The following RAF1 variants were observed in gnomAD, a reference collection of about 807,000 sequenced individuals.
RAF1 encodes RAF proto-oncogene serine/threonine-protein kinase.
Under a neutral mutation model 81.1 loss-of-function variants are expected in RAF1, and 27 were observed. That is an observed-to-expected ratio of 0.33 (90% CI 0.25 to 0.46). The LOEUF is 0.46. RAF1 is among the 20% of genes least tolerant of loss of function. RAF1 has a pLI of 1.00. For synonymous variants in RAF1, 298 were observed against 294.0 expected (o/e 1.01, Z -0.14); for missense variants, 598 against 826.0 (o/e 0.72, Z 3.38).
rs2058246746 is a variant in RAF1 at position 12,584,369 on chromosome 3, T to C, written c.*145A>G. The C allele has an allele frequency of 9.9e-7, 1 of 1,012,416 alleles. No homozygotes were observed. Among genetic ancestry groups the C allele is most frequent in the African/African-American group, 1.6e-5 (1 of 62,738 alleles). The allele number at this position is 1,012,416 out of a possible 1,614,324, so 62.7% of individuals were successfully genotyped here. A position where few individuals can be genotyped will look rare whatever the true frequency, so the allele number is the denominator to read the frequency against. ...GGATAGAAAAGAAGGCAACATGAAG[T>C]TAAGGCCCTGTGAGCAGTCTAGAAG... On this transcript the variant is annotated 3_prime_UTR_variant, in exon 18 of 18. Coordinates refer to ENST00000442415, the MANE Select transcript of RAF1 (RefSeq NM_001354689.3).
At chr3:12,643,662 G>C (rs997239171) in intron 1 of RAF1, among the ~76,000 whole-genome samples, 2 of 151,786 alleles carry the variant, frequency 1.3e-5, no homozygotes, top group Non-Finnish European at 2.9e-5. Flanking sequence ...CTTGAACCCG[G>C]AAGGCAGAGG....
chr3:12,609,406 C>A lies in RAF1; in HGVS notation c.321-71G>T. 4.1e-6 allele frequency: 4 copies of A among 970,768 alleles called. No homozygotes were observed. The South Asian group carries it at 5.2e-5, about 13-fold the overall frequency. The allele number at this position is 970,768 out of a possible 1,614,324, so 60.1% of individuals were successfully genotyped here. A position where few individuals can be genotyped will look rare whatever the true frequency, so the allele number is the denominator to read the frequency against. The stretch of plus-strand genomic sequence containing the variant: ...AGTTCAATAGAAATAACAACAGCTA[C>A]CATTTATCACATGCCATATAAACAC... On this transcript the variant is annotated intron_variant, in intron 3 of 17. Transcript: ENST00000442415.
At chr3:12,587,927 G>T in intron 13 of RAF1, 1 of 199,292 alleles carries the variant, frequency 5.0e-6, no homozygotes, top group Non-Finnish European at 9.4e-6. Context: ...CCACCTCCCA[G>T]TAGCCGGGAC....
chr3:12,618,482 T>C (rs1318510210), intron 2 of RAF1, 33 bp downstream of exon 2: 5 of 1,608,372 alleles, frequency 3.1e-6, no homozygotes, highest in East Asian at 2.2e-5. Flanking sequence ...GGCAGATAAA[T>C]AGCTAAATTT....
chr3:12,645,899 T>C (rs2125547278), intron 1 of RAF1, among the ~76,000 whole-genome samples: 1 of 152,156 alleles, frequency 6.6e-6, no homozygotes, highest in East Asian at 1.9e-4. Flanking sequence ...TAAATAAATA[T>C]TGTTTGTAAA....
At chr3:12,643,578 T>G (rs2060255550) in intron 1 of RAF1, among the ~76,000 whole-genome samples, 1 of 151,836 alleles carries the variant, frequency 6.6e-6, no homozygotes, top group Non-Finnish European at 1.5e-5. Flanking sequence ...CCATCTCTAC[T>G]AAAAATACAA....
At chr3:12,636,050 C>A (rs1405399322) in intron 1 of RAF1, among the ~76,000 whole-genome samples, 2 of 151,694 alleles carry the variant, frequency 1.3e-5, no homozygotes, top group Non-Finnish European at 2.9e-5. Context: ...CTTTGGGAGG[C>A]CGAGGTGAGT....
intron 1 of RAF1, among the ~76,000 whole-genome samples, chr3:12,655,421 T>C (rs2060661364): frequency 6.6e-6 from 1 of 152,116 alleles, no homozygotes; most frequent in Non-Finnish European, 1.5e-5. Context: ...AAAGAAAAAA[T>C]AACAAGTGTT....
Position 12,604,218 on chromosome 3 carries a change from AG to A in RAF1, c.751del (p.Leu251SerfsTer26). On this transcript the variant is annotated frameshift_variant, in exon 7 of 18. Coordinates refer to ENST00000442415, the MANE Select transcript of RAF1 (RefSeq NM_001354689.3). LOFTEE classifies it high-confidence loss of function. ...GGATGTCGACCTCTGCCTCTGGGAG[AG>A]GGAACCTTCAGATGAGGGACTGGAG... is the stretch of plus-strand genomic sequence containing the variant. The A allele has an allele frequency of 6.2e-7, 1 of 1,614,118 alleles. No homozygotes were observed. Among genetic ancestry groups the A allele is most frequent in the Non-Finnish European group, 8.5e-7 (1 of 1,180,010 alleles).
chr3:12,661,684 C>A (rs575586507), intron 1 of RAF1, among the ~76,000 whole-genome samples: 3 of 152,038 alleles, frequency 2.0e-5, no homozygotes, highest in African/African-American at 7.3e-5. Context: ...GCCTGGGCAA[C>A]AGAGTGAGAC....
At chr3:12,601,548 AT>A (rs955822123) in intron 8 of RAF1, among the ~76,000 whole-genome samples, 1 of 152,154 alleles carries the variant, frequency 6.6e-6, no homozygotes, top group Non-Finnish European at 1.5e-5. Context: ...AAAAAAGGAC[AT>A]TTTTTGGGGG....
At chr3:12,604,410 C>T (rs867549646) in intron 6 of RAF1, 121 bp from the exon 7 acceptor site, 2 of 1,053,880 alleles carry the variant, frequency 1.9e-6, no homozygotes, top group Non-Finnish European at 2.9e-6. Flanking sequence ...CAACCTTTGA[C>T]AAAATGTTTG....
At chr3:12,650,517 A>C (rs934224355) in intron 1 of RAF1, among the ~76,000 whole-genome samples, 3 of 152,178 alleles carry the variant, frequency 2.0e-5, no homozygotes, top group African/African-American at 7.2e-5. Flanking sequence ...TGAATACCGA[A>C]TCACTATCAC....
chr3:12,611,318 T>C (rs1311807505), intron 3 of RAF1, among the ~76,000 whole-genome samples: 1 of 152,044 alleles, frequency 6.6e-6, no homozygotes, highest in Non-Finnish European at 1.5e-5. Flanking sequence ...CCTGGGGTCA[T>C]GCAATATTCT....
chr3:12,657,479 T>C (rs889171356), intron 1 of RAF1, among the ~76,000 whole-genome samples: 1 of 152,120 alleles, frequency 6.6e-6, no homozygotes, highest in Non-Finnish European at 1.5e-5. Flanking sequence ...CTTAAGAATT[T>C]CCAGGCAGGG....
chr3:12,638,650 G>A (rs555405016), intron 1 of RAF1, among the ~76,000 whole-genome samples: 12 of 152,226 alleles, frequency 7.9e-5, no homozygotes, highest in South Asian at 6.2e-4. Flanking sequence ...CACAGTAAAC[G>A]GTAAATATTT....
intron 1 of RAF1, among the ~76,000 whole-genome samples, chr3:12,622,700 A>T (rs1575607620): frequency 6.6e-6 from 1 of 152,138 alleles, no homozygotes. Context: ...TAAGGGCAGA[A>T]CCCTGCCAAT....
At chr3:12,616,605 C>T (rs562728781) in intron 2 of RAF1, among the ~76,000 whole-genome samples, 1 of 152,186 alleles carries the variant, frequency 6.6e-6, no homozygotes, top group Non-Finnish European at 1.5e-5. Flanking sequence ...CCTAAGTATT[C>T]AACACTACAC....
intron 2 of RAF1, among the ~76,000 whole-genome samples, chr3:12,617,335 G>A (rs1412732048): frequency 4.0e-5 from 6 of 151,872 alleles, no homozygotes; most frequent in East Asian, 1.9e-4. Flanking sequence ...GGCTTGTCTC[G>A]AACTCCTGAC....
Sources: allele counts gnomAD v4.1 joint callset (sites outside exome capture counted in the v4.1 genomes callset), GRCh38; gene constraint gnomAD v4.1.1; transcripts MANE v1.5; gene names NCBI Gene and HGNC (gene_info 2026-07-23, HGNC 2026-07-21).